The following CAMKMT variants were observed in gnomAD, a reference collection of about 807,000 sequenced individuals.
The protein encoded by CAMKMT is CaM KMT.
CAMKMT carries 53 observed loss-of-function variants against 48.0 expected under a neutral mutation model. The observed-to-expected ratio is 1.10, with a 90% CI of 0.89 to 1.39. CAMKMT has a LOEUF of 1.39. Among genes scored for constraint, CAMKMT ranks in the 40% most tolerant of loss-of-function variants. The probability of loss-of-function intolerance (pLI) is 0.00; values close to 1 mark genes in which losing one functional copy is unlikely to be tolerated. For synonymous variants in CAMKMT, 165 were observed against 152.3 expected (o/e 1.08, Z -0.61); for missense variants, 428 against 402.7 (o/e 1.06, Z -0.54).
At chr2:44,607,248 C>G (rs1010470986) in intron 3 of CAMKMT, among the ~76,000 whole-genome samples, 1 of 152,156 alleles carries the variant, frequency 6.6e-6, no homozygotes. Flanking sequence ...CATTCTAACT[C>G]TTAAGAACAT....
intron 3 of CAMKMT, among the ~76,000 whole-genome samples, chr2:44,402,488 G>A (rs961549222): frequency 6.6e-6 from 1 of 151,800 alleles, no homozygotes; most frequent in Non-Finnish European, 1.5e-5. Flanking sequence ...TGAATCTTCT[G>A]TTATTCCCAT....
chr2:44,569,022 T>C (rs1399288519), intron 3 of CAMKMT, among the ~76,000 whole-genome samples: 1 of 152,196 alleles, frequency 6.6e-6, no homozygotes, highest in Non-Finnish European at 1.5e-5. Context: ...GCTCTGGCCA[T>C]CACATCTCAG....
chr2:44,521,218 A>G (rs1224400341), intron 3 of CAMKMT, among the ~76,000 whole-genome samples: 1 of 152,154 alleles, frequency 6.6e-6, no homozygotes, highest in Non-Finnish European at 1.5e-5. Flanking sequence ...TACTGTTTTC[A>G]ACAGCATTTT....
In CAMKMT at chr2:44,476,277, AAGT is replaced by A. The variant is rs375945173; in HGVS notation, c.376+85978_376+85980del. 4.5e-4 allele frequency among the ~76,000 whole-genome samples: 68 copies of A among 152,278 alleles called. 1 individual carries two copies. The South Asian group carries it at 0.013, about 29-fold the overall frequency. On this transcript the variant is annotated intron_variant, in intron 3 of 10. Coordinates refer to ENST00000378494, the MANE Select transcript of CAMKMT (RefSeq NM_024766.5). ...TGAAAGCATGTGGTTGGAAAAAAAA[AAGT>A]AGTAGGAGATTATTAATTTCTTAAA...
At chr2:44,397,938 C>G (rs1682008342) in intron 3 of CAMKMT, among the ~76,000 whole-genome samples, 1 of 152,152 alleles carries the variant, frequency 6.6e-6, no homozygotes, top group Non-Finnish European at 1.5e-5. Flanking sequence ...TAGTTTCTCC[C>G]TCTTTTAAAT....
intron 3 of CAMKMT, among the ~76,000 whole-genome samples, chr2:44,450,576 C>G (rs1041714548): frequency 5.3e-5 from 8 of 152,092 alleles, no homozygotes; most frequent in Non-Finnish European, 1.2e-4. Context: ...TTTAGTTACA[C>G]TTTCACCCAT....
intron 3 of CAMKMT, among the ~76,000 whole-genome samples, chr2:44,475,255 A>G (rs994832486): frequency 6.6e-6 from 1 of 152,328 alleles, no homozygotes; most frequent in East Asian, 1.9e-4. Flanking sequence ...TTCTGAATAA[A>G]GGAATATAGA....
intron 8 of CAMKMT, among the ~76,000 whole-genome samples, chr2:44,750,568 A>G (rs1263526476): frequency 6.6e-6 from 1 of 152,212 alleles, no homozygotes; most frequent in Non-Finnish European, 1.5e-5. Context: ...TGATGGCTCT[A>G]AAGCTGAAGA....
chr2:44,460,789 C>A (rs1203824902), intron 3 of CAMKMT, among the ~76,000 whole-genome samples: 1 of 137,770 alleles, frequency 7.3e-6, no homozygotes, highest in Non-Finnish European at 1.5e-5. Flanking sequence ...GTGGCATGAT[C>A]TCCACTTACT....
At chr2:44,743,203 T>A (rs1259592303) in intron 7 of CAMKMT, among the ~76,000 whole-genome samples, 2 of 152,206 alleles carry the variant, frequency 1.3e-5, no homozygotes, top group African/African-American at 4.8e-5. Flanking sequence ...GAAAAGCAAC[T>A]GATATGCCAG....
intron 3 of CAMKMT, among the ~76,000 whole-genome samples, chr2:44,535,758 T>C (rs1333556210): frequency 6.6e-6 from 1 of 152,082 alleles, no homozygotes; most frequent in Non-Finnish European, 1.5e-5. Context: ...AAAGGCCATA[T>C]ATGACAAGCC....
chr2:44,613,046 G>T (rs1671683099), intron 3 of CAMKMT, among the ~76,000 whole-genome samples: 1 of 152,168 alleles, frequency 6.6e-6, no homozygotes, highest in Non-Finnish European at 1.5e-5. Flanking sequence ...AAGAATATAG[G>T]AATCTATGGT....
At chr2:44,600,873 TGA>T (rs1278508568) in intron 3 of CAMKMT, among the ~76,000 whole-genome samples, 21 of 152,172 alleles carry the variant, frequency 1.4e-4, no homozygotes, top group Non-Finnish European at 2.2e-4. Context: ...AGTACAATGT[TGA>T]GTAGACTCGG....
chr2:44,636,008 T>G (rs1673109100), intron 3 of CAMKMT, among the ~76,000 whole-genome samples: 1 of 152,200 alleles, frequency 6.6e-6, no homozygotes, highest in African/African-American at 2.4e-5. Flanking sequence ...CATGCTTTTT[T>G]ATATTAGAAA....
At chr2:44,734,628 T>C (rs1164231304) in intron 7 of CAMKMT, among the ~76,000 whole-genome samples, 3 of 152,130 alleles carry the variant, frequency 2.0e-5, no homozygotes, top group Non-Finnish European at 2.9e-5. Flanking sequence ...TTGGCCAGGC[T>C]GGTCTCAACT....
chr2:44,526,594 G>A (rs1038980427), intron 3 of CAMKMT, among the ~76,000 whole-genome samples: 2 of 152,154 alleles, frequency 1.3e-5, no homozygotes, highest in African/African-American at 2.4e-5. Flanking sequence ...CTGTTTGAGG[G>A]CAAGAGGACG....
intron 2 of CAMKMT, among the ~76,000 whole-genome samples, chr2:44,382,288 G>A (rs1383946672): frequency 6.6e-6 from 1 of 151,772 alleles, no homozygotes; most frequent in Non-Finnish European, 1.5e-5. Flanking sequence ...AGTATTTACT[G>A]TAGTTTTCCA....
At position 44,525,235 on chromosome 2, in the gene CAMKMT, A is replaced by C. The variant is rs112816035; in HGVS notation, c.376+134930A>C. ...ACTGAAATCCAACAGTAACTATTAT[A>C]AAATTGTCCTAAAATTACTAAAGAG... On this transcript the variant is annotated intron_variant, in intron 3 of 10. Transcript: ENST00000378494. Among the ~76,000 whole-genome samples, 443 of 152,280 alleles carry C rather than the reference A, an allele frequency of 2.9e-3. 4 individuals carry two copies. The highest frequency in any genetic ancestry group is 0.027 in the Middle Eastern group (8 of 294).
chr2:44,443,324 G>A (rs896887840), intron 3 of CAMKMT, among the ~76,000 whole-genome samples: 1 of 152,074 alleles, frequency 6.6e-6, no homozygotes, highest in African/African-American at 2.4e-5. Context: ...ATGCTATGGG[G>A]AAATTTATTA....
Sources: gnomAD v4.1 joint callset for allele counts (sites outside exome capture counted in the v4.1 genomes callset) on GRCh38, gnomAD v4.1.1 for gene constraint, MANE v1.5 for transcripts, NCBI Gene and HGNC (gene_info 2026-07-23, HGNC 2026-07-21) for gene names.